The following PIAS2 variants were observed in gnomAD, a reference collection of about 807,000 sequenced individuals.
PIAS2 encodes the protein E3 SUMO-protein ligase PIAS2.
Under a neutral mutation model 69.7 loss-of-function variants are expected in PIAS2, and 19 were observed. The observed-to-expected ratio is 0.27, with a 90% CI of 0.19 to 0.40. The LOEUF (loss-of-function observed/expected upper bound fraction) is 0.40, where lower values mean the gene tolerates loss of function less well. PIAS2 is among the 10% of genes least tolerant of loss of function. The probability of loss-of-function intolerance (pLI) is 1.00; values close to 1 mark genes in which losing one functional copy is unlikely to be tolerated. For missense variants in PIAS2, 624 were observed against 757.0 expected (o/e 0.82, Z 2.06); for synonymous variants, 261 against 263.2 (o/e 0.99, Z 0.08).
At chr18:46,864,571 G>A (rs1029430021) in intron 2 of PIAS2, among the ~76,000 whole-genome samples, 9 of 152,274 alleles carry the variant, frequency 5.9e-5, no homozygotes, top group African/African-American at 1.7e-4. Flanking sequence ...GCAAGTTCGA[G>A]ACCAGCCTGA....
chr18:46,881,140 C>T (rs1474080960), intron 2 of PIAS2, among the ~76,000 whole-genome samples: 1 of 152,138 alleles, frequency 6.6e-6, no homozygotes, highest in Non-Finnish European at 1.5e-5. Flanking sequence ...TGCCAGTCTC[C>T]CACCAGTGTG....
intron 9 of PIAS2, among the ~76,000 whole-genome samples, chr18:46,833,164 C>A (rs1036011374): frequency 1.3e-5 from 2 of 152,148 alleles, no homozygotes; most frequent in African/African-American, 4.8e-5. Context: ...ACAGAAAAAA[C>A]CCATCAACGC....
intron 9 of PIAS2, among the ~76,000 whole-genome samples, chr18:46,830,448 GTAA>G (rs1426419802): frequency 6.6e-6 from 1 of 151,814 alleles, no homozygotes; most frequent in Non-Finnish European, 1.5e-5. Context: ...AAATAAAAAT[GTAA>G]TAAAATTTGT....
rs749721526 is a variant in PIAS2, at chr18:46,803,456, T to C, written c.*8977A>G. ...TCTCAGCTGCTGCTTCTTGATTTCCTTGTGTTCCTTTTCCAGTCTTCTTTT... is the reference window on the plus strand; with the variant it reads ...TCTCAGCTGCTGCTTCTTGATTTCCCTGTGTTCCTTTTCCAGTCTTCTTTT... On this transcript the variant is annotated 3_prime_UTR_variant, in exon 14 of 14. Transcript: ENST00000585916. 6.6e-5 allele frequency: 10 copies of C among 152,262 alleles called. No individual in the cohort carries two copies. Among genetic ancestry groups the C allele is most frequent in the African/African-American group, 1.2e-4 (5 of 41,448 alleles). The allele number at this position is 152,262 out of a possible 1,614,324, so 9.4% of individuals were successfully genotyped here.
chr18:46,823,601 T>A (rs2042442944), intron 11 of PIAS2, among the ~76,000 whole-genome samples: 1 of 152,202 alleles, frequency 6.6e-6, no homozygotes, highest in Admixed American at 6.6e-5. Context: ...TACTCCTTAC[T>A]TAGGCAACAC....
chr18:46,878,396 TG>T (rs2051605503), intron 2 of PIAS2, among the ~76,000 whole-genome samples: 1 of 152,258 alleles, frequency 6.6e-6, no homozygotes, highest in Admixed American at 6.5e-5. Context: ...AGATATATTT[TG>T]TCACCTACTT....
upstream of PIAS2, among the ~76,000 whole-genome samples, chr18:46,919,089 G>A (rs1204839946): frequency 6.6e-6 from 1 of 151,562 alleles, no homozygotes; most frequent in Non-Finnish European, 1.5e-5. Context: ...AGTGGCTCAT[G>A]CCTGTAATCC....
Position 46,803,293 on chromosome 18 carries a change from G to A in PIAS2, c.*9140C>T, listed in dbSNP as rs1186498762. On this transcript the variant is annotated 3_prime_UTR_variant, in exon 14 of 14. Transcript: ENST00000585916. The stretch of plus-strand genomic sequence containing the variant: ...TACTTAGATTCAATAAAATATGGTG[G>A]TATTTTAAATGAAAGTTTTTTAAAA... 1 of 151,918 alleles carries A rather than the reference G, an allele frequency of 6.6e-6. No homozygotes were observed. Among genetic ancestry groups the A allele is most frequent in the Non-Finnish European group, 1.5e-5 (1 of 67,978 alleles). The allele number at this position is 151,918 out of a possible 1,614,324, so 9.4% of individuals were successfully genotyped here.
intron 12 of PIAS2, chr18:46,817,510 A>T: frequency 3.2e-6 from 3 of 943,646 alleles, no homozygotes; most frequent in Non-Finnish European, 3.8e-6. Context: ...ATTCTCTTTG[A>T]TGATTTCATG....
At chr18:46,875,751 T>C (rs1473857718) in intron 2 of PIAS2, among the ~76,000 whole-genome samples, 2 of 152,200 alleles carry the variant, frequency 1.3e-5, no homozygotes, top group Non-Finnish European at 2.9e-5. Flanking sequence ...AAATATTCCA[T>C]CCGCACTCTA....
At chr18:46,830,969 TG>T in intron 9 of PIAS2, among the ~76,000 whole-genome samples, 1 of 152,268 alleles carries the variant, frequency 6.6e-6, no homozygotes, top group East Asian at 1.9e-4. Context: ...TAACAAATCA[TG>T]ACCAAATGGG....
chr18:46,849,672 T>C (rs1235405693), intron 5 of PIAS2, among the ~76,000 whole-genome samples: 1 of 152,216 alleles, frequency 6.6e-6, no homozygotes, highest in African/African-American at 2.4e-5. Flanking sequence ...TCCTCCAAAT[T>C]TTCTAATTAC....
chr18:46,866,004 G>C (rs554080043), intron 2 of PIAS2, among the ~76,000 whole-genome samples: 3 of 152,204 alleles, frequency 2.0e-5, no homozygotes, highest in Non-Finnish European at 4.4e-5. Context: ...TGTATTTTGA[G>C]ATTACAAGTA....
At chr18:46,885,831 A>G (rs555667411) in intron 2 of PIAS2, among the ~76,000 whole-genome samples, 2 of 152,380 alleles carry the variant, frequency 1.3e-5, no homozygotes, top group South Asian at 2.1e-4. Flanking sequence ...TTACTCTTCT[A>G]AACAAAATAT....
At chr18:46,856,106 C>T (rs1279756448) in intron 3 of PIAS2, among the ~76,000 whole-genome samples, 1 of 145,378 alleles carries the variant, frequency 6.9e-6, no homozygotes, top group African/African-American at 2.5e-5. Context: ...CCCGGGTTCA[C>T]GCCATTCTCC....
intron 12 of PIAS2, among the ~76,000 whole-genome samples, chr18:46,819,686 G>A (rs1304636690): frequency 1.3e-5 from 2 of 152,236 alleles, no homozygotes; most frequent in African/African-American, 4.8e-5. Context: ...TAAACCTAGA[G>A]AAGAAAACTA....
In PIAS2 at chr18:46,900,800, C is replaced by T. The variant is rs186348864; in HGVS notation, c.25-9746G>A. On this transcript the variant is annotated intron_variant, in intron 1 of 13. Transcript: ENST00000585916. ...ACCAGCCTGGCCAAGATGGTGAAAC[C>T]CCATCTCTCCTAAAAATACAAAAAT... 3.4e-3 allele frequency among the ~76,000 whole-genome samples: 518 copies of T among 151,704 alleles called. 1 individual carries two copies. The highest frequency in any genetic ancestry group is 0.01 in the Middle Eastern group (3 of 292).
At chr18:46,866,378 GTATCTTTA>G (rs2049465649) in intron 2 of PIAS2, among the ~76,000 whole-genome samples, 1 of 152,138 alleles carries the variant, frequency 6.6e-6, no homozygotes, top group Non-Finnish European at 1.5e-5. Context: ...AGGCCAGAAG[GTATCTTTA>G]AAGTGGTGAA....
At chr18:46,812,718 C>A in intron 13 of PIAS2, 106 bp from the exon 14 acceptor site, 2 of 634,382 alleles carry the variant, frequency 3.2e-6, no homozygotes, top group South Asian at 5.4e-5. Flanking sequence ...ATATTTAAAT[C>A]CCAGTGGGAT....
Sources: gnomAD v4.1 joint callset for allele counts (sites outside exome capture counted in the v4.1 genomes callset) on GRCh38, gnomAD v4.1.1 for gene constraint, MANE v1.5 for transcripts, NCBI Gene and HGNC (gene_info 2026-07-23, HGNC 2026-07-21) for gene names.